Variants in CLVS1 observed in about 807,000 individuals in gnomAD.
CLVS1 encodes the protein clavesin 1, also known as clavesin-1.
A neutral mutation model predicts 33.1 loss-of-function variants in CLVS1; 10 were observed. The observed-to-expected ratio is 0.30, with a 90% CI of 0.19 to 0.51. CLVS1 has a LOEUF of 0.51. Ranked by LOEUF, CLVS1 falls within the 20% of genes least tolerant of loss-of-function variation. CLVS1 has a pLI of 0.97. For synonymous variants in CLVS1, 163 were observed against 166.1 expected, an observed-to-expected ratio of 0.98 and a Z score of 0.14; for missense variants, 343 against 433.4, an observed-to-expected ratio of 0.79 and a Z score of 1.85.
Position 61,495,737 on chromosome 8 carries a change from A to T in CLVS1, c.978-3718A>T, listed in dbSNP as rs138515235. Among the ~76,000 whole-genome samples, 321 of 152,326 alleles carry T rather than the reference A, an allele frequency of 2.1e-3. 8 individuals are homozygous for T. Among genetic ancestry groups the T allele is most frequent in the Middle Eastern group, 3.4e-3 (1 of 294 alleles). ...TATCAGTGCCAGAAAGGCTAATGCA[A>T]CTCTAAATTGCCTCAACAGAAGCAA... On this transcript the variant is annotated intron_variant, in intron 5 of 5. Coordinates refer to ENST00000325897, the MANE Select transcript of CLVS1 (RefSeq NM_173519.3).
chr8:60,994,040 C>T, the CLVS1 span, among the ~76,000 whole-genome samples: 30 of 152,296 alleles, frequency 2.0e-4, no homozygotes, highest in Non-Finnish European at 2.5e-4. Flanking sequence ...ACCATTATGA[C>T]GTGCCATAGA....
At chr8:61,059,667 C>T (rs559966087) in intron 1 of CLVS1, among the ~76,000 whole-genome samples, 89 of 150,932 alleles carry the variant, frequency 5.9e-4, no homozygotes, top group Admixed American at 2.2e-3. Flanking sequence ...AAAAATTAGC[C>T]GGATGTGGTG....
chr8:61,470,030 T>C (rs766968279), intron 5 of CLVS1, among the ~76,000 whole-genome samples: 1 of 152,252 alleles, frequency 6.6e-6, no homozygotes, highest in Non-Finnish European at 1.5e-5. Context: ...GGTTATTGGA[T>C]ACTGGAGTGT....
chr8:61,060,896 C>T (rs571875493), intron 1 of CLVS1, among the ~76,000 whole-genome samples: 1 of 152,268 alleles, frequency 6.6e-6, no homozygotes, highest in East Asian at 1.9e-4. Flanking sequence ...ACTCTGCTGC[C>T]TTTCATGGGA....
chr8:61,075,778 C>A (rs1172335453), intron 1 of CLVS1, among the ~76,000 whole-genome samples: 1 of 152,212 alleles, frequency 6.6e-6, no homozygotes, highest in Admixed American at 6.5e-5. Context: ...TACCACTGTG[C>A]TGCCTTTGCC....
At chr8:61,029,217 T>C in the CLVS1 span, among the ~76,000 whole-genome samples, 24 of 151,944 alleles carry the variant, frequency 1.6e-4, no homozygotes, top group Admixed American at 7.9e-4. Context: ...GAGAGGAGGG[T>C]TGAGGACTCT....
chr8:61,222,175 A>G (rs1307157153), intron 2 of CLVS1, among the ~76,000 whole-genome samples: 1 of 150,248 alleles, frequency 6.7e-6, no homozygotes. Flanking sequence ...TTCTGTCTCT[A>G]TGTCCTTCAA....
intron 1 of CLVS1, among the ~76,000 whole-genome samples, chr8:61,289,539 T>A (rs1174449068): frequency 1.3e-5 from 2 of 152,220 alleles, no homozygotes; most frequent in African/African-American, 4.8e-5. Context: ...TTTTGACAAG[T>A]TATTTTCTTA....
chr8:61,188,633 A>G (rs1025816381), intron 2 of CLVS1, among the ~76,000 whole-genome samples: 2 of 152,158 alleles, frequency 1.3e-5, no homozygotes, highest in Non-Finnish European at 2.9e-5. Context: ...TAAAATTAGA[A>G]CCTTTATAAC....
At chr8:60,979,101 A>G in the CLVS1 span, among the ~76,000 whole-genome samples, 1 of 152,176 alleles carries the variant, frequency 6.6e-6, no homozygotes, top group Non-Finnish European at 1.5e-5. Context: ...AACATAACAG[A>G]GTGGAGAGAG....
intron 3 of CLVS1, among the ~76,000 whole-genome samples, chr8:61,409,066 A>G (rs1225896414): frequency 6.6e-6 from 1 of 152,176 alleles, no homozygotes; most frequent in Non-Finnish European, 1.5e-5. Flanking sequence ...TTTATAAAAA[A>G]CCATTTTGAG....
intron 2 of CLVS1, among the ~76,000 whole-genome samples, chr8:61,241,393 T>C (rs781577670): frequency 6.6e-6 from 1 of 152,186 alleles, no homozygotes; most frequent in Non-Finnish European, 1.5e-5. Context: ...TTTGTCATAA[T>C]ATATTATCTT....
chr8:61,319,875 A>G (rs1811134352), intron 2 of CLVS1, among the ~76,000 whole-genome samples: 3 of 152,134 alleles, frequency 2.0e-5, no homozygotes, highest in Admixed American at 1.3e-4. Context: ...ACATACAATC[A>G]TATCATCTGA....
the CLVS1 span, among the ~76,000 whole-genome samples, chr8:61,004,625 G>A: frequency 6.6e-6 from 1 of 152,232 alleles, no homozygotes; most frequent in African/African-American, 2.4e-5. Context: ...CAGGCTCAGA[G>A]TGACCGCCAG....
chr8:61,267,044 C>A (rs1809323535), intron 2 of CLVS1, among the ~76,000 whole-genome samples: 1 of 152,148 alleles, frequency 6.6e-6, no homozygotes, highest in Admixed American at 6.5e-5. Context: ...GCATTCAAGC[C>A]CAGAATGGGT....
intron 2 of CLVS1, among the ~76,000 whole-genome samples, chr8:61,225,909 T>A (rs1808318927): frequency 6.6e-6 from 1 of 152,240 alleles, no homozygotes; most frequent in Non-Finnish European, 1.5e-5. Flanking sequence ...TAGTGCTTCC[T>A]CCTGGGTAGC....
intron 1 of CLVS1, among the ~76,000 whole-genome samples, chr8:61,087,213 C>A (rs1254662324): frequency 6.6e-6 from 1 of 152,132 alleles, no homozygotes; most frequent in African/African-American, 2.4e-5. Flanking sequence ...ATTGCACAGG[C>A]CAGAGGGCTA....
chr8:61,172,683 A>C (rs1345115537), intron 2 of CLVS1, among the ~76,000 whole-genome samples: 1 of 152,172 alleles, frequency 6.6e-6, no homozygotes, highest in East Asian at 1.9e-4. Flanking sequence ...TAAAATGTGC[A>C]ATGTCTCAAC....
At chr8:61,202,839 T>A (rs1189345252) in intron 2 of CLVS1, 17 of 952,476 alleles carry the variant, frequency 1.8e-5, no homozygotes, top group South Asian at 3.9e-5. Context: ...CTGATGAAGA[T>A]GATGATGATG....
Sources: gnomAD v4.1 joint callset for allele counts (sites outside exome capture counted in the v4.1 genomes callset) on GRCh38, gnomAD v4.1.1 for gene constraint, MANE v1.5 for transcripts, NCBI Gene and HGNC (gene_info 2026-07-23, HGNC 2026-07-21) for gene names.